The following KARS1 variants were observed in gnomAD, a reference collection of about 807,000 sequenced individuals.
The protein encoded by KARS1 is lysine--tRNA ligase.
Under a neutral mutation model 63.9 loss-of-function variants are expected in KARS1, and 50 were observed. The ratio of observed to expected loss-of-function variants is 0.78; its 90% CI spans 0.62 to 0.99. The LOEUF (loss-of-function observed/expected upper bound fraction) is 0.99. KARS1 is among the 50% of genes least tolerant of loss of function. The pLI, the probability that KARS1 is intolerant of heterozygous loss-of-function variation, is 0.00. For synonymous variants in KARS1, 320 were observed against 264.6 expected (o/e 1.21, Z -2.03); for missense variants, 816 against 754.5 (o/e 1.08, Z -0.95).
In KARS1 at chr16:75,627,984, G is replaced by A; in HGVS notation, c.1705C>T (p.Leu569=). 1 of 1,592,872 alleles carries A rather than the reference G, an allele frequency of 6.3e-7. No homozygotes were observed. The highest frequency in any genetic ancestry group is 8.6e-7 in the Non-Finnish European group (1 of 1,160,590). ...TDSNNIKEVL[L]FPAMKPEDKK... ...TCTTCGGGTTTCATGGCAGGAAACAGAAGTACTTCCTGTGGGAGATAAGAA... is the reference window on the plus strand; with the variant it reads ...TCTTCGGGTTTCATGGCAGGAAACAAAAGTACTTCCTGTGGGAGATAAGAA... The change falls in exon 14 of 14, where the codon CTG becomes TTG. Residue 569 remains leucine (L), a synonymous_variant. Transcript: ENST00000302445.
At chr16:75,636,422 A>G in intron 4 of KARS1, 32 bp downstream of exon 4, 1 of 1,408,662 alleles carries the variant, frequency 7.1e-7, no homozygotes, top group Non-Finnish European at 1.0e-6. Flanking sequence ...AGGCCAACCA[A>G]GAAAGGTCTA....
At chr16:75,628,088 C>G (rs2082070891) in intron 13 of KARS1, 95 bp from the exon 14 acceptor site, 2 of 801,358 alleles carry the variant, frequency 2.5e-6, no homozygotes, top group African/African-American at 3.4e-5. Flanking sequence ...TTGTTACCAC[C>G]AAAATCCAGA....
At chr16:75,643,825 G>A (rs1034483786) in intron 1 of KARS1, among the ~76,000 whole-genome samples, 1 of 152,190 alleles carries the variant, frequency 6.6e-6, no homozygotes, top group East Asian at 1.9e-4. Flanking sequence ...TTCAGTCAGT[G>A]GACTGCTAAG....
chr16:75,636,795 G>A (rs539581201), intron 3 of KARS1, among the ~76,000 whole-genome samples: 4 of 151,728 alleles, frequency 2.6e-5, no homozygotes, highest in South Asian at 2.1e-4. Context: ...CACCACACTC[G>A]GCTAATTTTT....
chr16:75,628,641 C>T lies in KARS1; in HGVS notation c.1623G>A (p.Leu541=), dbSNP rs1597161756. The T allele has an allele frequency of 1.2e-6, 2 of 1,614,126 alleles. No individual in the cohort carries two copies. The highest frequency in any genetic ancestry group is 1.7e-6 in the Non-Finnish European group (2 of 1,179,990). ...ENFCTALEYG[L]PPTAGWGMGI... is the part of the protein sequence containing the mutation. The stretch of plus-strand genomic sequence containing the variant: ...CCATGCCCCAGCCAGCTGTGGGGGG[C>T]AGCCCATATTCCAGGGCAGTACAGA... Residue 541 remains leucine (L), a synonymous_variant, in exon 13 of 14, where the codon CTG becomes CTA. Transcript: ENST00000302445.
chr16:75,647,615 C>A lies in KARS1; in HGVS notation c.25G>T (p.Val9Leu), dbSNP rs751692377. The A allele has an allele frequency of 2.5e-6, 4 of 1,613,352 alleles. No individual in the cohort carries two copies. The highest frequency in any genetic ancestry group is 2.7e-5 in the African/African-American group (2 of 74,944). ...TTCGGCTCGCTGCCATCCACTTTCA[C>A]CTCGGCCGCCTGCACGGCCGCCATC... MAAVQAAE[V>L]KVDGSEPKLS... The change falls in exon 1 of 14, where the codon GTG becomes TTG. Residue 9 changes from valine (V) to leucine (L), a missense_variant. Val to Leu is a conservative substitution (Grantham distance 32). Coordinates refer to ENST00000302445, the MANE Select transcript of KARS1 (RefSeq NM_005548.3).
At chr16:75,631,939 G>C in intron 7 of KARS1, 84 bp from the exon 8 acceptor site, 1 of 1,517,016 alleles carries the variant, frequency 6.6e-7, no homozygotes, top group African/African-American at 1.4e-5. Flanking sequence ...CTAGGCTGGA[G>C]TGCAATGGCA....
In KARS1 at chr16:75,628,659, A is replaced by G. The variant is rs2082077607; in HGVS notation, c.1605T>C (p.Thr535=). The change falls in exon 13 of 14, where the codon ACT becomes ACC. Residue 535 remains threonine (T), a synonymous_variant. Transcript: ENST00000302445. ...TGGGGGGCAGCCCATATTCCAGGGC[A>G]GTACAGAAGTTTTCATCTATGAACA... is the stretch of plus-strand genomic sequence containing the variant. ...EAMFIDENFC[T]ALEYGLPPTA... is the part of the protein sequence containing the mutation. 9.3e-6 allele frequency: 15 copies of G among 1,614,224 alleles called. No individual in the cohort carries two copies. The highest frequency in any genetic ancestry group is 1.3e-5 in the Non-Finnish European group (15 of 1,180,040).
At chr16:75,636,943 ATTT>A (rs869266336) in intron 3 of KARS1, among the ~76,000 whole-genome samples, 1 of 116,030 alleles carries the variant, frequency 8.6e-6, no homozygotes. Flanking sequence ...CCCGGCCTGC[ATTT>A]TTTTTTTTTT....
chr16:75,637,803 AGGGAATGAGGAGTAGAGCCCACAG>A, intron 3 of KARS1, among the ~76,000 whole-genome samples: 1 of 150,466 alleles, frequency 6.6e-6, no homozygotes, highest in Non-Finnish European at 1.5e-5. Context: ...AAAAATCTAA[AGGGAATGAGGAGTAGAGCCCACAG>A]AAACCCTCTC....
Position 75,642,404 on chromosome 16 carries a change from G to A in KARS1, c.63-681C>T, listed in dbSNP as rs548270692. On this transcript the variant is annotated intron_variant, in intron 1 of 13. Transcript: ENST00000302445. ...TTTTAGTGAGACGAGGTTTCACCAC[G>A]TTGGCCAGACTGGTCTCAAACTCCT... Among the ~76,000 whole-genome samples the A allele has an allele frequency of 2.6e-5, 4 of 151,960 alleles. No homozygotes were observed. In the South Asian group the frequency reaches 8.3e-4, roughly 32 times the overall value.
Position 75,641,721 on chromosome 16 carries a change from T to A in KARS1, c.65A>T (p.Glu22Val), listed in dbSNP as rs2082227264. The A allele has an allele frequency of 6.2e-7, 1 of 1,613,630 alleles. No individual in the cohort carries two copies. ...DGSEPKLSKN[E>V]LKRRLKAEKK... is the part of the protein sequence containing the mutation. ...CTCAGCTTTCAGGCGTCTCTTCAGC[T>A]CACTGTTGGAAAGATGAAAGCGTTC... The change falls in exon 2 of 14, where the codon GAG (glutamate) becomes GTG (valine). Residue 22 changes from glutamate to valine, a missense_variant and splice_region_variant. By Grantham distance (121) the Glu-to-Val change is moderately radical (BLOSUM62 -2). Coordinates refer to ENST00000302445, the MANE Select transcript of KARS1 (RefSeq NM_005548.3).
rs1176628157 is a variant in KARS1 at position 75,631,187 on chromosome 16, G to A, written c.1319C>T (p.Thr440Ile). 6.2e-7 allele frequency: 1 copy of A among 1,613,816 alleles called. No individual in the cohort carries two copies. Among genetic ancestry groups the A allele is most frequent in the Non-Finnish European group, 8.5e-7 (1 of 1,179,902 alleles). ...TCTCACCTTGTCAAGGAGCCTGGCT[G>A]TGGTCCGAGGTGGAGGGCATTCAAC... ...KAVECPPPRTTARLLDKLVGE... is the reference protein window; with the variant it reads ...KAVECPPPRTIARLLDKLVGE... The change falls in exon 10 of 14, where the codon ACA becomes ATA. Residue 440 changes from threonine (T) to isoleucine (I), a missense_variant. Thr to Ile is a moderately conservative substitution (Grantham distance 89). Coordinates refer to ENST00000302445, the MANE Select transcript of KARS1 (RefSeq NM_005548.3).
At chr16:75,636,399 G>A in intron 4 of KARS1, 55 bp downstream of exon 4, 1 of 1,075,646 alleles carries the variant, frequency 9.3e-7, no homozygotes, top group Middle Eastern at 2.0e-4. Context: ...TCAGCCTATT[G>A]CTGTGTTGCT....
At chr16:75,628,540 A>C (rs2082075994) in intron 13 of KARS1, 29 bp downstream of exon 13, 1 of 1,611,800 alleles carries the variant, frequency 6.2e-7, no homozygotes, top group African/African-American at 1.3e-5. Flanking sequence ...TTCCTCAGGA[A>C]GTGTGCTCTG....
chr16:75,634,206 T>G lies in KARS1; in HGVS notation c.882A>C (p.Leu294Phe), dbSNP rs750601552. Residue 294 changes from leucine (L) to phenylalanine (F), a missense_variant, in exon 7 of 14, where the codon TTA becomes TTC. Physicochemically the swap from Leu to Phe is conservative, Grantham distance 22. Coordinates refer to ENST00000302445, the MANE Select transcript of KARS1 (RefSeq NM_005548.3). ...ITYHNELDMN[L>F]YMRIAPELYH... ...AGAGTTCTGGAGCAATTCTCATATA[T>G]AAGTTCATGTCCAGCTCGTTGTGAT... The G allele has an allele frequency of 6.2e-7, 1 of 1,614,098 alleles. No homozygotes were observed. Among genetic ancestry groups the G allele is most frequent in the Admixed American group, 1.7e-5 (1 of 60,030 alleles).
chr16:75,632,046 C>A (rs540500103), intron 7 of KARS1, among the ~76,000 whole-genome samples, 191 bp from the exon 8 acceptor site: 1 of 152,144 alleles, frequency 6.6e-6, no homozygotes, highest in African/African-American at 2.4e-5. Flanking sequence ...TGCCACCACG[C>A]CTGGCTAATT....
intron 2 of KARS1, among the ~76,000 whole-genome samples, chr16:75,641,173 A>G (rs1483972349): frequency 1.3e-5 from 2 of 150,606 alleles, no homozygotes; most frequent in Non-Finnish European, 2.9e-5. Context: ...CAAAAAAACA[A>G]AAACAAAAAC....
At position 75,647,605 on chromosome 16, in the gene KARS1, T is replaced by A. The variant is rs200487215; in HGVS notation, c.35A>T (p.Asp12Val). 3.1e-6 allele frequency: 5 copies of A among 1,613,514 alleles called. No individual in the cohort carries two copies. The highest frequency in any genetic ancestry group is 1.3e-5 in the African/African-American group (1 of 75,064). The change falls in exon 1 of 14, where the codon GAT (aspartate) becomes GTT (valine). Residue 12 changes from aspartate to valine, a missense_variant. Transcript: ENST00000302445. ...CTTGCTCAGTTTCGGCTCGCTGCCA[T>A]CCACTTTCACCTCGGCCGCCTGCAC... is the stretch of plus-strand genomic sequence containing the variant. ...AAVQAAEVKV[D>V]GSEPKLSKNE...
Sources: allele counts gnomAD v4.1 joint callset (sites outside exome capture counted in the v4.1 genomes callset), GRCh38; gene constraint gnomAD v4.1.1; transcripts MANE v1.5; gene names NCBI Gene and HGNC (gene_info 2026-07-23, HGNC 2026-07-21).